G3BP1: variants seen among roughly 807,000 people sequenced by gnomAD.
The protein encoded by G3BP1 is ras GTPase-activating protein-binding protein 1.
Under a neutral mutation model 58.6 loss-of-function variants are expected in G3BP1, and 35 were observed. The ratio of observed to expected loss-of-function variants is 0.60; its 90% CI spans 0.46 to 0.79. G3BP1 has a LOEUF of 0.79. Ranked by LOEUF, G3BP1 falls within the 30% of genes least tolerant of loss-of-function variation. The probability of loss-of-function intolerance (pLI) is 0.00; values close to 1 mark genes in which losing one functional copy is unlikely to be tolerated. For synonymous variants in G3BP1, 191 were observed against 195.4 expected (o/e 0.98, Z 0.19); for missense variants, 523 against 580.8 (o/e 0.90, Z 1.02).
Position 151,803,959 on chromosome 5 carries a change from A to G in G3BP1, c.1269A>G (p.Arg423=). 1 of 1,613,730 alleles carries G rather than the reference A, an allele frequency of 6.2e-7. No individual in the cohort carries two copies. The highest frequency in any genetic ancestry group is 8.5e-7 in the Non-Finnish European group (1 of 1,179,700). ...CTCGAGCTGCCAGGGAAGGCGACCG[A>G]CGAGATAATCGCCTTCGGGGACCTG... The part of the protein sequence containing the change: ...KKTRAAREGD[R]RDNRLRGPGG... The change falls in exon 12 of 12, where the codon CGA becomes CGG. Residue 423 remains arginine (R), a synonymous_variant. Coordinates refer to ENST00000356245, the MANE Select transcript of G3BP1 (RefSeq NM_005754.3).
chr5:151,795,525 TGAG>T lies in G3BP1; in HGVS notation c.491_493del (p.Glu164del). 1 of 1,607,916 alleles carries T rather than the reference TGAG, an allele frequency of 6.2e-7. No individual in the cohort carries two copies. Reference sequence around the variant, plus strand: ...AACCTGAAGAAAGACAGCAAACACCTGAGGTGGTACCTGATGATTCTGGAACTT... The same window carrying T: ...AACCTGAAGAAAGACAGCAAACACCTGTGGTACCTGATGATTCTGGAACTT... On this transcript the variant is annotated inframe_deletion, in exon 6 of 12. Coordinates refer to ENST00000356245, the MANE Select transcript of G3BP1 (RefSeq NM_005754.3).
intron 1 of G3BP1, among the ~76,000 whole-genome samples, chr5:151,773,332 CT>C (rs11291869): frequency 0.45 from 68,295 of 151,970 alleles, 15,784 homozygotes; most frequent in African/African-American, 0.56. Flanking sequence ...TTACAGTATA[CT>C]ATTTGGACCT....
At chr5:151,798,184 C>T (rs74702251) in intron 7 of G3BP1, among the ~76,000 whole-genome samples, 4,847 of 152,268 alleles carry the variant, frequency 0.032, 128 homozygotes, top group Non-Finnish European at 0.051. Context: ...ATGACTTTAG[C>T]TTGCAAGTGG....
Position 151,809,213 on chromosome 5 carries a change from C to T in G3BP1, c.*5122C>T, listed in dbSNP as rs1246202168. ...AATTAGAAAACAACAAAAACCACTTCGGTTACTCACTGTCCTCATGCTTTG... is the reference window on the plus strand; with the variant it reads ...AATTAGAAAACAACAAAAACCACTTTGGTTACTCACTGTCCTCATGCTTTG... On this transcript the variant is annotated 3_prime_UTR_variant, in exon 12 of 12. Coordinates refer to ENST00000356245, the MANE Select transcript of G3BP1 (RefSeq NM_005754.3). 1.3e-5 allele frequency: 2 copies of T among 152,110 alleles called. No individual in the cohort carries two copies. The highest frequency in any genetic ancestry group is 1.5e-5 in the Non-Finnish European group (1 of 68,028). 9.4% of individuals were successfully genotyped at this position (152,110 alleles called of 1,614,324 possible).
rs1373820183 is a variant in G3BP1, at chr5:151,809,520, G to A, written c.*5429G>A. ...AAATAATTATATTTTTGAGTGAGAA[G>A]CATCAGACTTAAATTTTTTTCTTCT... On this transcript the variant is annotated 3_prime_UTR_variant, in exon 12 of 12. Transcript: ENST00000356245. 1.3e-5 allele frequency: 2 copies of A among 152,134 alleles called. No individual in the cohort carries two copies. Among genetic ancestry groups the A allele is most frequent in the Non-Finnish European group, 2.9e-5 (2 of 68,014 alleles). 9.4% of individuals were successfully genotyped at this position (152,134 alleles called of 1,614,324 possible). A position where few individuals can be genotyped will look rare whatever the true frequency, so the allele number is the denominator to read the frequency against.
chr5:151,798,436 A>G (rs191107471), intron 7 of G3BP1, among the ~76,000 whole-genome samples: 1,780 of 149,514 alleles, frequency 0.012, 15 homozygotes, highest in Middle Eastern at 0.027. Flanking sequence ...CCCTAGTGAG[A>G]GAGAATGATG....
chr5:151,794,319 C>CCCATAGTCTCT, intron 5 of G3BP1, 70 bp downstream of exon 5: 2 of 801,090 alleles, frequency 2.5e-6, no homozygotes, highest in Non-Finnish European at 2.2e-6. Flanking sequence ...CCTTAAGAGA[C>CCCATAGTCTCT]TATGGGTTTC....
chr5:151,790,814 T>A lies in G3BP1; in HGVS notation c.178-75T>A, dbSNP rs1456116977. ...ATTCTCTTTGTGTTGTGTTGGAAGGTTTTTTTTAGTTGGAGGTTATTTAAA... is the reference window on the plus strand; with the variant it reads ...ATTCTCTTTGTGTTGTGTTGGAAGGATTTTTTTAGTTGGAGGTTATTTAAA... On this transcript the variant is annotated intron_variant, in intron 3 of 11. Coordinates refer to ENST00000356245, the MANE Select transcript of G3BP1 (RefSeq NM_005754.3). The A allele has an allele frequency of 4.8e-6, 4 of 826,210 alleles. No individual in the cohort carries two copies. The African/African-American group carries it at 6.9e-5, about 14-fold the overall frequency. 51.2% of individuals were successfully genotyped at this position (826,210 alleles called of 1,614,324 possible).
In G3BP1 at chr5:151,797,028, A is replaced by G. The variant is rs1022774473; in HGVS notation, c.540-199A>G. Among the ~76,000 whole-genome samples the G allele has an allele frequency of 2.0e-5, 3 of 152,214 alleles. 1 individual carries two copies. The highest frequency in any genetic ancestry group is 7.2e-5 in the African/African-American group (3 of 41,440). ...ATTTGCTTATCAGAATTTGCCAAAC[A>G]AATGGATTCCAGTTAAGTTATTGAG... On this transcript the variant is annotated intron_variant, in intron 6 of 11. Transcript: ENST00000356245.
In G3BP1 at chr5:151,807,591, T is replaced by C. The variant is rs1339088546; in HGVS notation, c.*3500T>C. ...TTTTTTCTCATCAGGTTTGATAATT[T>C]AATGCAAACTTCAAATCTGGATGTG... On this transcript the variant is annotated 3_prime_UTR_variant, in exon 12 of 12. Coordinates refer to ENST00000356245, the MANE Select transcript of G3BP1 (RefSeq NM_005754.3). 7 of 152,222 alleles carry C rather than the reference T, an allele frequency of 4.6e-5. No individual in the cohort carries two copies. The highest frequency in any genetic ancestry group is 2.0e-4 in the Admixed American group (3 of 15,290). The allele number at this position is 152,222 out of a possible 1,614,324, so 9.4% of individuals were successfully genotyped here. A position where few individuals can be genotyped will look rare whatever the true frequency, so the allele number is the denominator to read the frequency against.
rs181766533 is a variant in G3BP1, at chr5:151,811,561, A to G, written c.*7470A>G. On this transcript the variant is annotated 3_prime_UTR_variant, in exon 12 of 12. Coordinates refer to ENST00000356245, the MANE Select transcript of G3BP1 (RefSeq NM_005754.3). ...TGGATATGTGTATATGGATGGTTCA[A>G]TAAATATACTTTTATATACATGTTT... The G allele has an allele frequency of 6.6e-5, 10 of 152,330 alleles. 1 individual carries two copies. Among genetic ancestry groups the G allele is most frequent in the Admixed American group, 1.3e-4 (2 of 15,298 alleles). The allele number at this position is 152,330 out of a possible 1,614,324, so 9.4% of individuals were successfully genotyped here.
intron 6 of G3BP1, among the ~76,000 whole-genome samples, chr5:151,796,119 T>C (rs567598907): frequency 1.1e-4 from 17 of 152,338 alleles, no homozygotes; most frequent in African/African-American, 4.1e-4. Flanking sequence ...ATGTTAATAT[T>C]CAGTGCCTGA....
At chr5:151,788,713 C>T (rs899138631) in intron 2 of G3BP1, among the ~76,000 whole-genome samples, 20 of 150,326 alleles carry the variant, frequency 1.3e-4, no homozygotes, top group African/African-American at 2.9e-4. Context: ...TCCCAGGTTC[C>T]GGTGATCCTC....
chr5:151,784,451 C>T (rs1361912046), intron 1 of G3BP1, among the ~76,000 whole-genome samples: 1 of 152,142 alleles, frequency 6.6e-6, no homozygotes, highest in Admixed American at 6.5e-5. Flanking sequence ...AAAATTCTAA[C>T]CTCTTCCCTT....
intron 1 of G3BP1, among the ~76,000 whole-genome samples, chr5:151,784,951 T>C (rs1038722595): frequency 1.8e-4 from 28 of 152,234 alleles, no homozygotes; most frequent in African/African-American, 6.5e-4. Flanking sequence ...GTTGAAAATT[T>C]GGTTTGACTA....
rs903531139 is a variant in G3BP1 at position 151,806,273 on chromosome 5, C to G, written c.*2182C>G. The G allele has an allele frequency of 2.0e-5, 3 of 152,130 alleles. No individual in the cohort carries two copies. The highest frequency in any genetic ancestry group is 4.4e-5 in the Non-Finnish European group (3 of 68,024). 9.4% of individuals were successfully genotyped at this position (152,130 alleles called of 1,614,324 possible). A position where few individuals can be genotyped will look rare whatever the true frequency, so the allele number is the denominator to read the frequency against. ...CAAACTAGGAAATGGAAATCTGTTT[C>G]AAGAATTGCAGTAACATCTACTCTA... On this transcript the variant is annotated 3_prime_UTR_variant, in exon 12 of 12. Transcript: ENST00000356245.
intron 4 of G3BP1, among the ~76,000 whole-genome samples, chr5:151,793,851 A>AG: frequency 6.8e-6 from 1 of 147,460 alleles, no homozygotes; most frequent in South Asian, 2.2e-4. Context: ...AAAAAAAAAA[A>AG]GAAAAAAGAG....
At chr5:151,800,081 T>C (rs1349293337) in intron 9 of G3BP1, 81 bp downstream of exon 9, 3 of 1,166,468 alleles carry the variant, frequency 2.6e-6, no homozygotes, top group Non-Finnish European at 2.5e-6. Flanking sequence ...GATATTTATA[T>C]ACTTTAAAAT....
Position 151,786,710 on chromosome 5 carries a change from G to A in G3BP1, c.90G>A (p.Leu30=). The change falls in exon 2 of 12, where the codon CTG becomes CTA. Residue 30 remains leucine, a synonymous_variant. Transcript: ENST00000356245. ...YTLLNQAPDM[L]HRFYGKNSSY... ...TGCTGAACCAGGCCCCAGACATGCT[G>A]CATAGGTAAGACATTTTTCTCCTGC... 1 of 1,589,928 alleles carries A rather than the reference G, an allele frequency of 6.3e-7. No individual in the cohort carries two copies. Among genetic ancestry groups the A allele is most frequent in the Non-Finnish European group, 8.6e-7 (1 of 1,157,958 alleles).
Sources: gnomAD v4.1 joint callset for allele counts (sites outside exome capture counted in the v4.1 genomes callset) on GRCh38, gnomAD v4.1.1 for gene constraint, MANE v1.5 for transcripts, NCBI Gene and HGNC (gene_info 2026-07-23, HGNC 2026-07-21) for gene names.